The following SP100 variants were observed in gnomAD, a reference collection of about 807,000 sequenced individuals.
SP100 encodes the protein nuclear autoantigen Sp-100.
SP100 carries 84 observed loss-of-function variants against 130.0 expected under a neutral mutation model. The observed-to-expected ratio is 0.65, with a 90% CI of 0.54 to 0.77. The LOEUF (loss-of-function observed/expected upper bound fraction) is 0.77, where lower values mean the gene tolerates loss of function less well. SP100 is among the 30% of genes least tolerant of loss of function. The pLI is 0.00. For synonymous variants in SP100, 331 were observed against 351.7 expected, an observed-to-expected ratio of 0.94 and a Z score of 0.66; for missense variants, 978 against 1,052.2, an observed-to-expected ratio of 0.93 and a Z score of 0.97.
At chr2:230,497,010 G>A (rs1350567098) in intron 18 of SP100, among the ~76,000 whole-genome samples, 6 of 152,140 alleles carry the variant, frequency 3.9e-5, no homozygotes, top group South Asian at 2.1e-4. Context: ...CCTTAAGGAC[G>A]GAGGAGCACT....
intron 27 of SP100, 131 bp downstream of exon 27, chr2:230,541,503 C>A (rs1692175582): frequency 1.3e-6 from 1 of 750,236 alleles, no homozygotes; most frequent in Non-Finnish European, 2.2e-6. Context: ...AGAAATTTAT[C>A]ATAGATTAGG....
At chr2:230,423,751 A>G (rs1210833306) in intron 2 of SP100, among the ~76,000 whole-genome samples, 3 of 151,970 alleles carry the variant, frequency 2.0e-5, no homozygotes, top group Non-Finnish European at 4.4e-5. Context: ...TTTGATTTTG[A>G]TTTCCTGGTT....
rs552604319 is a variant in SP100, at chr2:230,498,376, T to G, written c.1646-85T>G. 1.8e-4 allele frequency: 126 copies of G among 704,490 alleles called. 2 individuals carry two copies. In the South Asian group the frequency reaches 2.7e-3, roughly 15 times the overall value. 43.6% of individuals were successfully genotyped at this position (704,490 alleles called of 1,614,324 possible). ...TGTGTGTTAGGCTCTGGAAAAGTTATAGCTAAATAAAATTTTTGAAAGCAC... is the reference window on the plus strand; with the variant it reads ...TGTGTGTTAGGCTCTGGAAAAGTTAGAGCTAAATAAAATTTTTGAAAGCAC... On this transcript the variant is annotated intron_variant, in intron 18 of 28. Transcript: ENST00000340126.
In SP100 at chr2:230,545,554, A is replaced by T. The variant is rs930836366; in HGVS notation, c.*2608A>T. ...CTTCACATATACCCCTGAACCTAAA[A>T]GTTTTTTTAATTGTAAATAAATGGA... is the stretch of plus-strand genomic sequence containing the variant. On this transcript the variant is annotated 3_prime_UTR_variant, in exon 29 of 29. Transcript: ENST00000340126. 1.3e-5 allele frequency among the ~76,000 whole-genome samples: 2 copies of T among 152,144 alleles called. No individual in the cohort carries two copies. The highest frequency in any genetic ancestry group is 3.8e-4 in the East Asian group (2 of 5,202).
chr2:230,538,299 T>C lies in SP100; in HGVS notation c.2095-968T>C, dbSNP rs142779074. On this transcript the variant is annotated intron_variant, in intron 24 of 28. Transcript: ENST00000340126. ...CTTCAAACATAGGATTTGCCTGTGG[T>C]ATTTATTCTTTCTTGGGGCCCACTT... The C allele has an allele frequency of 5.9e-5, 9 of 152,324 alleles. No individual in the cohort carries two copies. The East Asian group carries it at 1.7e-3, about 29-fold the overall frequency. 9.4% of individuals were successfully genotyped at this position (152,324 alleles called of 1,614,324 possible). A position where few individuals can be genotyped will look rare whatever the true frequency, so the allele number is the denominator to read the frequency against.
intron 15 of SP100, among the ~76,000 whole-genome samples, chr2:230,471,404 TC>T (rs1237973861): frequency 6.6e-6 from 1 of 152,210 alleles, no homozygotes; most frequent in Non-Finnish European, 1.5e-5. Flanking sequence ...CCTGGTTTCC[TC>T]GTCACTGTCT....
At chr2:230,538,492 C>A (rs1031558628) in intron 24 of SP100, 1 of 152,182 alleles carries the variant, frequency 6.6e-6, no homozygotes, top group Non-Finnish European at 1.5e-5. Flanking sequence ...CAAGAAATGG[C>A]TCCTAATAGG....
At chr2:230,461,905 C>T (rs953839743) in intron 9 of SP100, among the ~76,000 whole-genome samples, 3 of 151,152 alleles carry the variant, frequency 2.0e-5, no homozygotes, top group South Asian at 2.1e-4. Flanking sequence ...GCCAAGATTC[C>T]GCCACTGCAC....
chr2:230,517,625 C>A (rs1434327646), intron 24 of SP100, among the ~76,000 whole-genome samples: 1 of 151,942 alleles, frequency 6.6e-6, no homozygotes, highest in African/African-American at 2.4e-5. Context: ...ATTAACCAGG[C>A]ATGGTGGCAT....
intron 18 of SP100, among the ~76,000 whole-genome samples, chr2:230,496,916 G>T (rs186283330): frequency 7.9e-5 from 12 of 152,148 alleles, no homozygotes; most frequent in Admixed American, 7.9e-4. Flanking sequence ...CAACATTCTA[G>T]GATTGAGTCT....
intron 8 of SP100, among the ~76,000 whole-genome samples, chr2:230,451,771 G>T (rs1441322511): frequency 6.6e-6 from 1 of 151,328 alleles, no homozygotes. Flanking sequence ...TTACAACCTT[G>T]GGTATTAAAT....
chr2:230,432,037 T>A (rs960296458), intron 2 of SP100, among the ~76,000 whole-genome samples: 11 of 152,212 alleles, frequency 7.2e-5, no homozygotes, highest in Admixed American at 2.6e-4. Context: ...CTATTTGGGA[T>A]CAATTCCTGC....
Position 230,461,287 on chromosome 2 carries a change from T to C in SP100, c.846T>C (p.His282=), listed in dbSNP as rs1481347266. 6.2e-7 allele frequency: 1 copy of C among 1,614,140 alleles called. No individual in the cohort carries two copies. The highest frequency in any genetic ancestry group is 1.1e-5 in the South Asian group (1 of 91,084). ...EESPEAELHN[H]GIQINSCSVR... ...GCCCAGAGGCAGAGCTACACAACCA[T>C]GGAATCCAAATTAATTCCTGTTCTG... The change falls in exon 9 of 29, where the codon CAT becomes CAC. Residue 282 remains histidine, a synonymous_variant. Transcript: ENST00000340126.
chr2:230,487,659 GTCT>G (rs1246913893), intron 17 of SP100, among the ~76,000 whole-genome samples: 1 of 152,092 alleles, frequency 6.6e-6, no homozygotes, highest in East Asian at 1.9e-4. Context: ...ACTGTATGGG[GTCT>G]TCTTTGATTC....
chr2:230,470,955 TAAAC>T (rs1347603440), intron 15 of SP100, among the ~76,000 whole-genome samples: 1 of 137,914 alleles, frequency 7.3e-6, no homozygotes. Context: ...TATACATACA[TAAAC>T]ACACACATAT....
At chr2:230,494,344 T>C in intron 17 of SP100, 72 bp from the exon 18 acceptor site, 1 of 1,149,858 alleles carries the variant, frequency 8.7e-7, no homozygotes, top group South Asian at 1.3e-5. Context: ...GCTTGTAAAC[T>C]ATTGACATAT....
chr2:230,476,535 A>G (rs1016421137), intron 17 of SP100, among the ~76,000 whole-genome samples: 1 of 151,956 alleles, frequency 6.6e-6, no homozygotes, highest in Non-Finnish European at 1.5e-5. Flanking sequence ...CTTGCTTTTC[A>G]TTCTGATTTG....
At chr2:230,482,741 T>TG (rs2065892157) in intron 17 of SP100, among the ~76,000 whole-genome samples, 1 of 152,066 alleles carries the variant, frequency 6.6e-6, no homozygotes. Flanking sequence ...TCTAGTCTGA[T>TG]CCATTGCCCT....
At chr2:230,521,589 G>A (rs1284488791) in intron 24 of SP100, among the ~76,000 whole-genome samples, 1 of 152,176 alleles carries the variant, frequency 6.6e-6, no homozygotes, top group African/African-American at 2.4e-5. Flanking sequence ...CCTGATTAAA[G>A]CCTTCTTCCT....
Sources: gnomAD v4.1 joint callset for allele counts (sites outside exome capture counted in the v4.1 genomes callset) on GRCh38, gnomAD v4.1.1 for gene constraint, MANE v1.5 for transcripts, NCBI Gene and HGNC (gene_info 2026-07-23, HGNC 2026-07-21) for gene names.